The following LDLRAD4 variants were observed in gnomAD, a reference collection of about 807,000 sequenced individuals.
The protein encoded by LDLRAD4 is low density lipoprotein receptor class A domain containing 4.
Under a neutral mutation model 17.0 loss-of-function variants are expected in LDLRAD4, and 5 were observed. The ratio of observed to expected loss-of-function variants is 0.29; its 90% confidence interval spans 0.15 to 0.62. The LOEUF is 0.62. Among genes scored for constraint, LDLRAD4 ranks in the 20% least tolerant of loss-of-function variants. The pLI is 0.84. For synonymous variants in LDLRAD4, 168 were observed against 171.8 expected (o/e 0.98, Z 0.17); for missense variants, 340 against 424.7 (o/e 0.80, Z 1.75).
At chr18:13,578,051 A>G (rs1187641470) in intron 3 of LDLRAD4, among the ~76,000 whole-genome samples, 1 of 152,172 alleles carries the variant, frequency 6.6e-6, no homozygotes, top group Non-Finnish European at 1.5e-5. Context: ...TGGGGCAAGC[A>G]GGGGAGGGAG....
At chr18:13,441,839 G>C (rs955504401) in intron 3 of LDLRAD4, among the ~76,000 whole-genome samples, 5 of 152,200 alleles carry the variant, frequency 3.3e-5, no homozygotes, top group African/African-American at 1.2e-4. Context: ...TCTGCCTTTT[G>C]CCTCTCCTCA....
chr18:13,359,972 A>C (rs2144616826), intron 1 of LDLRAD4, among the ~76,000 whole-genome samples: 1 of 152,332 alleles, frequency 6.6e-6, no homozygotes, highest in East Asian at 1.9e-4. Flanking sequence ...TGTTTCTAGC[A>C]ATCTTTGGCT....
intron 2 of LDLRAD4, among the ~76,000 whole-genome samples, chr18:13,412,986 G>A (rs1251255478): frequency 1.3e-5 from 2 of 152,186 alleles, no homozygotes; most frequent in Non-Finnish European, 2.9e-5. Context: ...TAAGGGCAGC[G>A]TGTGTGACCT....
chr18:13,509,664 A>C (rs1214848150), intron 3 of LDLRAD4, among the ~76,000 whole-genome samples: 1 of 152,256 alleles, frequency 6.6e-6, no homozygotes, highest in African/African-American at 2.4e-5. Context: ...GAGAGGATTG[A>C]CTTCAATTTT....
At chr18:13,616,747 G>C (rs2040118694) in intron 3 of LDLRAD4, among the ~76,000 whole-genome samples, 1 of 152,168 alleles carries the variant, frequency 6.6e-6, no homozygotes, top group African/African-American at 2.4e-5. Flanking sequence ...CTGTGCCCAG[G>C]GCTGAGTGCC....
intron 2 of LDLRAD4, among the ~76,000 whole-genome samples, chr18:13,424,531 T>C (rs563078480): frequency 7.9e-5 from 12 of 151,962 alleles, no homozygotes; most frequent in Non-Finnish European, 1.3e-4. Flanking sequence ...GATAATGACG[T>C]GGGTGAGCAA....
intron 3 of LDLRAD4, among the ~76,000 whole-genome samples, chr18:13,485,945 G>C (rs546210230): frequency 4.3e-4 from 65 of 152,300 alleles, no homozygotes; most frequent in African/African-American, 1.5e-3. Flanking sequence ...CATCAGCTGT[G>C]GTTAAAAATG....
intron 3 of LDLRAD4, among the ~76,000 whole-genome samples, chr18:13,524,636 C>T (rs998099508): frequency 1.3e-5 from 2 of 152,226 alleles, no homozygotes; most frequent in Non-Finnish European, 2.9e-5. Context: ...TTATGAATAG[C>T]TCACTAAACA....
intron 3 of LDLRAD4, among the ~76,000 whole-genome samples, chr18:13,562,576 G>T (rs2094553041): frequency 6.6e-6 from 1 of 152,218 alleles, no homozygotes; most frequent in Admixed American, 6.5e-5. Flanking sequence ...CGGTCCGTCA[G>T]AGCCTCAGAA....
At chr18:13,252,855 C>T (rs780282706) in intron 1 of LDLRAD4, among the ~76,000 whole-genome samples, 8 of 152,236 alleles carry the variant, frequency 5.3e-5, no homozygotes, top group Non-Finnish European at 1.2e-4. Flanking sequence ...AGCAGTGTTG[C>T]GCTGTTCCTA....
chr18:13,530,861 C>T (rs1251082461), intron 3 of LDLRAD4, among the ~76,000 whole-genome samples: 2 of 93,394 alleles, frequency 2.1e-5, no homozygotes, highest in African/African-American at 4.3e-5. Flanking sequence ...GCAGATGTCC[C>T]AGGGTCATGG....
chr18:13,473,300 GTTGTTTA>G (rs1331606088), intron 3 of LDLRAD4, among the ~76,000 whole-genome samples: 1 of 152,170 alleles, frequency 6.6e-6, no homozygotes, highest in Non-Finnish European at 1.5e-5. Flanking sequence ...AGCTTCTCTA[GTTGTTTA>G]TTGTAGGCAT....
At chr18:13,529,082 C>T (rs79354250) in intron 3 of LDLRAD4, among the ~76,000 whole-genome samples, 6 of 152,322 alleles carry the variant, frequency 3.9e-5, no homozygotes, top group African/African-American at 1.4e-4. Context: ...TACTTGAAAC[C>T]CTTGCTTAGA....
chr18:13,625,975 T>G (rs2041132717), intron 4 of LDLRAD4, among the ~76,000 whole-genome samples: 1 of 151,444 alleles, frequency 6.6e-6, no homozygotes, highest in African/African-American at 2.4e-5. Flanking sequence ...CCAAAGCCAG[T>G]CAACCTTTGT....
At chr18:13,538,268 T>C (rs752411044) in intron 3 of LDLRAD4, among the ~76,000 whole-genome samples, 20 of 152,244 alleles carry the variant, frequency 1.3e-4, no homozygotes, top group Non-Finnish European at 2.2e-4. Context: ...ATTTAGAGAA[T>C]TGATTTTATG....
chr18:13,220,868 A>C (rs1055356482), intron 1 of LDLRAD4, among the ~76,000 whole-genome samples: 3 of 152,220 alleles, frequency 2.0e-5, no homozygotes, highest in Non-Finnish European at 4.4e-5. Context: ...CAGGCAGTCC[A>C]GCAGAGATCC....
chr18:13,450,699 G>GTT (rs959074691), intron 3 of LDLRAD4, among the ~76,000 whole-genome samples: 14 of 152,308 alleles, frequency 9.2e-5, no homozygotes, highest in African/African-American at 3.4e-4. Flanking sequence ...GGCCCACAAA[G>GTT]TTGTGGCACG....
chr18:13,307,395 T>C (rs777908009), intron 1 of LDLRAD4, among the ~76,000 whole-genome samples: 5 of 152,102 alleles, frequency 3.3e-5, no homozygotes, highest in Non-Finnish European at 7.4e-5. Context: ...ATTTTCTCTT[T>C]CTTATGATTT....
chr18:13,306,716 C>T (rs924458311), intron 1 of LDLRAD4, among the ~76,000 whole-genome samples: 1 of 152,190 alleles, frequency 6.6e-6, no homozygotes, highest in African/African-American at 2.4e-5. Context: ...ACAATAAATT[C>T]CTGCTGCAGA....
Sources: gnomAD v4.1 joint callset for allele counts (sites outside exome capture counted in the v4.1 genomes callset) on GRCh38, gnomAD v4.1.1 for gene constraint, MANE v1.5 for transcripts, NCBI Gene and HGNC (gene_info 2026-07-23, HGNC 2026-07-21) for gene names.